The following PPEF1 variants were observed in gnomAD, a reference collection of about 807,000 sequenced individuals.
PPEF1 encodes the protein serine/threonine-protein phosphatase with EF-hands 1.
In PPEF1, 12 loss-of-function variants were observed where a neutral mutation model predicts 53.3. The observed-to-expected ratio is 0.23, with a 90% CI of 0.14 to 0.36. The LOEUF (loss-of-function observed/expected upper bound fraction) is 0.36. PPEF1 is among the 10% of genes least tolerant of loss of function. The pLI is 1.00. For synonymous variants in PPEF1, 165 were observed against 176.7 expected (o/e 0.93, Z 0.52); for missense variants, 334 against 490.4 (o/e 0.68, Z 3.01).
At chrX:18,687,751 C>G (rs1041135055) in intron 3 of PPEF1, among the ~76,000 whole-genome samples, 28 of 102,652 alleles carry the variant, frequency 2.7e-4, no homozygotes, top group Non-Finnish European at 4.5e-4. Context: ...TGCAGTGGCA[C>G]GATCTCAGCT....
chrX:18,771,829 C>T (rs773366821), intron 6 of PPEF1, among the ~76,000 whole-genome samples: 1 of 111,700 alleles, frequency 9.0e-6, no homozygotes, highest in South Asian at 3.7e-4. Context: ...TTAAGAAAAT[C>T]TTAGGCCAGG....
At chrX:18,678,285 T>C (rs1345322953), upstream of PPEF1, among the ~76,000 whole-genome samples, 12 of 108,773 alleles carry the variant, frequency 1.1e-4, no homozygotes, top group Admixed American at 5.9e-4. Flanking sequence ...TACAAAAAAC[T>C]TAGCCAGGCA....
chrX:18,710,747 A>G (rs1020791661), intron 1 of PPEF1, among the ~76,000 whole-genome samples: 2 of 111,649 alleles, frequency 1.8e-5, no homozygotes, highest in African/African-American at 6.5e-5. Flanking sequence ...AAATTAGTAC[A>G]ACCTCTGTGG....
At chrX:18,786,725 GTGA>G (rs2147613424) in intron 9 of PPEF1, among the ~76,000 whole-genome samples, 1 of 103,246 alleles carries the variant, frequency 9.7e-6, no homozygotes, top group East Asian at 3.2e-4. Flanking sequence ...AGAGGCTGCA[GTGA>G]GCCAAGATCA....
intron 6 of PPEF1, among the ~76,000 whole-genome samples, chrX:18,761,830 G>A (rs1047890666): frequency 3.6e-5 from 4 of 109,993 alleles, no homozygotes; most frequent in Admixed American, 9.7e-5. Context: ...GATTTGTACC[G>A]GATTGTATTT....
intron 3 of PPEF1, among the ~76,000 whole-genome samples, chrX:18,745,390 A>AT (rs377104567): frequency 4.8e-5 from 5 of 104,511 alleles, no homozygotes; most frequent in African/African-American, 1.0e-4. Context: ...ATTTTTTTGC[A>AT]TTTTTTGTAG....
chrX:18,739,391 G>C (rs1311700471), intron 3 of PPEF1, among the ~76,000 whole-genome samples: 2 of 112,352 alleles, frequency 1.8e-5, no homozygotes, highest in African/African-American at 6.5e-5. Flanking sequence ...GGAATTTGCT[G>C]GAGGTCCACT....
chrX:18,685,382 C>A (rs973446777), intron 2 of PPEF1, among the ~76,000 whole-genome samples: 3 of 112,015 alleles, frequency 2.7e-5, no homozygotes, highest in Non-Finnish European at 5.6e-5. Context: ...TCTGCTAAAT[C>A]CTGTTAAGAT....
chrX:18,778,847 G>A (rs962225362), intron 6 of PPEF1, among the ~76,000 whole-genome samples, 163 bp from the exon 7 acceptor site: 12 of 111,200 alleles, frequency 1.1e-4, no homozygotes, highest in African/African-American at 3.3e-4. Flanking sequence ...GATGCCTGCC[G>A]TGGAAGAGTA....
intron 4 of PPEF1, among the ~76,000 whole-genome samples, chrX:18,696,022 T>C (rs762774463): frequency 8.9e-6 from 1 of 112,588 alleles, no homozygotes; most frequent in South Asian, 3.7e-4. Context: ...TTCTCCTAGT[T>C]AATGTGATTT....
At chrX:18,680,880 C>G (rs769463998), upstream of PPEF1, among the ~76,000 whole-genome samples, 4 of 106,997 alleles carry the variant, frequency 3.7e-5, no homozygotes, top group South Asian at 1.7e-3. Context: ...GGTTTTTTGT[C>G]CTTGCGATAG....
chrX:18,710,892 C>T (rs964404371), intron 1 of PPEF1, among the ~76,000 whole-genome samples: 9 of 110,949 alleles, frequency 8.1e-5, no homozygotes, highest in African/African-American at 2.6e-4. Context: ...ATGTTTACCG[C>T]AGCACTATTT....
chrX:18,741,772 C>CTTTTTT (rs58971135), intron 3 of PPEF1, among the ~76,000 whole-genome samples: 20 of 66,298 alleles, frequency 3.0e-4, no homozygotes, highest in African/African-American at 1.1e-3. Context: ...GCTGCTGCTT[C>CTTTTTT]TTTTTTTTTT....
intron 4 of PPEF1, among the ~76,000 whole-genome samples, chrX:18,753,725 G>A (rs1166215049): frequency 9.0e-6 from 1 of 111,607 alleles, no homozygotes; most frequent in African/African-American, 3.2e-5. Flanking sequence ...TTAAGAGTAT[G>A]TTGTGTAATT....
intron 6 of PPEF1, among the ~76,000 whole-genome samples, chrX:18,769,523 G>A (rs1324880921): frequency 1.8e-5 from 2 of 111,291 alleles, no homozygotes; most frequent in African/African-American, 3.3e-5. Context: ...CGCTGAAAAA[G>A]AGATGCATGT....
At chrX:18,676,545 C>T (rs1192129184) in intron 1 of PPEF1, among the ~76,000 whole-genome samples, 1 of 111,031 alleles carries the variant, frequency 9.0e-6, no homozygotes, top group East Asian at 2.8e-4. Flanking sequence ...TTGTGGGCCA[C>T]GAGATGACCA....
rs2045386754 is a variant in PPEF1, at chrX:18,749,060, T to C, written c.236-732T>C. Reference sequence around the variant, plus strand: ...TCGTCTTTCTCTGTCTGAATTGTCTTGATTTCTGTACTGGGGCTGACTGTT... The same window carrying C: ...TCGTCTTTCTCTGTCTGAATTGTCTCGATTTCTGTACTGGGGCTGACTGTT... On this transcript the variant is annotated intron_variant, in intron 3 of 15. Coordinates refer to ENST00000470157, the MANE Select transcript of PPEF1 (RefSeq NM_001377996.1). Among the ~76,000 whole-genome samples the C allele has an allele frequency of 3.6e-5, 4 of 111,764 alleles. No individual in the cohort carries two copies. In the Admixed American group the frequency reaches 3.8e-4, roughly 11 times the overall value.
chrX:18,683,933 T>C (rs1345356213), intron 1 of PPEF1, among the ~76,000 whole-genome samples: 2 of 112,292 alleles, frequency 1.8e-5, no homozygotes, highest in Non-Finnish European at 3.8e-5. Context: ...GTGAAATGAA[T>C]AATAAAATCC....
At chrX:18,787,268 G>A (rs891013265) in intron 9 of PPEF1, among the ~76,000 whole-genome samples, 1 of 110,963 alleles carries the variant, frequency 9.0e-6, no homozygotes, top group Non-Finnish European at 1.9e-5. Context: ...TTACACCTGC[G>A]GTCGTAATGG....
Sources: allele counts gnomAD v4.1 joint callset (sites outside exome capture counted in the v4.1 genomes callset), GRCh38; gene constraint gnomAD v4.1.1; transcripts MANE v1.5; gene names NCBI Gene and HGNC (gene_info 2026-07-23, HGNC 2026-07-21).